The following TSHZ2 variants were observed in gnomAD, a reference collection of about 807,000 sequenced individuals.
TSHZ2 encodes teashirt zinc finger homeobox 2.
A neutral mutation model predicts 74.4 loss-of-function variants in TSHZ2; 21 were observed. The ratio of observed to expected loss-of-function variants is 0.28; its 90% CI spans 0.20 to 0.41. The LOEUF is 0.41. TSHZ2 is among the 10% of genes least tolerant of loss of function. TSHZ2 has a pLI of 1.00. For synonymous variants in TSHZ2, 540 were observed against 515.3 expected, an observed-to-expected ratio of 1.05 and a Z score of -0.65; for missense variants, 1,244 against 1,293.5, an observed-to-expected ratio of 0.96 and a Z score of 0.59.
chr20:53,401,528 C>G lies in TSHZ2; in HGVS notation c.*9-85616C>G, dbSNP rs1484769907. ...TGTACACTATACACAATGTGTGGTT[C>G]CTTACCCCTCACTCCTTCCAACCCC... is the stretch of plus-strand genomic sequence containing the variant. On this transcript the variant is annotated intron_variant, in intron 2 of 2. Coordinates refer to ENST00000371497, the MANE Select transcript of TSHZ2 (RefSeq NM_173485.6). Among the ~76,000 whole-genome samples the G allele has an allele frequency of 6.4e-5, 9 of 141,588 alleles. No homozygotes were observed. The Admixed American group carries it at 6.5e-4, about 10-fold the overall frequency. The allele number at this position is 141,588 out of a possible 152,430, so 92.9% of individuals were successfully genotyped here.
intron 2 of TSHZ2, among the ~76,000 whole-genome samples, chr20:53,295,244 G>A (rs935972126): frequency 2.6e-5 from 4 of 152,092 alleles, no homozygotes; most frequent in Non-Finnish European, 2.9e-5. Context: ...AAAAATTTGC[G>A]TTCTGTGGTC....
At chr20:52,995,754 A>G (rs1344492065) in intron 1 of TSHZ2, among the ~76,000 whole-genome samples, 9 of 151,350 alleles carry the variant, frequency 5.9e-5, no homozygotes, top group Non-Finnish European at 1.0e-4. Context: ...CTGGGACTAC[A>G]GGCATACGCC....
At chr20:52,977,931 C>G (rs1416504678) in intron 1 of TSHZ2, among the ~76,000 whole-genome samples, 1 of 152,108 alleles carries the variant, frequency 6.6e-6, no homozygotes, top group Non-Finnish European at 1.5e-5. Flanking sequence ...TCCTCAGAAA[C>G]AGTCTACATT....
intron 1 of TSHZ2, among the ~76,000 whole-genome samples, chr20:53,138,171 AG>A (rs1275260331): frequency 6.6e-6 from 1 of 152,152 alleles, no homozygotes; most frequent in Non-Finnish European, 1.5e-5. Context: ...TCATGAGGTC[AG>A]GAGATCGCGA....
intron 2 of TSHZ2, among the ~76,000 whole-genome samples, chr20:53,340,177 C>CTTTTTTATTT (rs74177489): frequency 1.1e-5 from 1 of 94,078 alleles, no homozygotes; most frequent in Non-Finnish European, 2.0e-5. Context: ...ACTTTTCTTT[C>CTTTTTTATTT]TTTTTTCTTT....
rs1168501596 is a variant in TSHZ2 at position 52,973,244 on chromosome 20, G to A, written c.-50G>A. ...GGCCAGAGAGACAGCGGGCCCCAGC[G>A]CGCGGCTCGGGGCTGGGGCGCCAGA... On this transcript the variant is annotated 5_prime_UTR_variant, in exon 1 of 3. Coordinates refer to ENST00000371497, the MANE Select transcript of TSHZ2 (RefSeq NM_173485.6). 1 of 1,550,704 alleles carries A rather than the reference G, an allele frequency of 6.4e-7. No individual in the cohort carries two copies. Among genetic ancestry groups the A allele is most frequent in the East Asian group, 2.4e-5 (1 of 40,936 alleles).
At chr20:53,144,909 CTT>C (rs764702960) in intron 1 of TSHZ2, among the ~76,000 whole-genome samples, 5 of 151,800 alleles carry the variant, frequency 3.3e-5, no homozygotes, top group Non-Finnish European at 5.9e-5. Flanking sequence ...TTTTTTAAAA[CTT>C]TCTCTTCAAA....
chr20:53,210,600 G>T lies in TSHZ2; in HGVS notation c.41-42899G>T, dbSNP rs142670231. 4.5e-4 allele frequency among the ~76,000 whole-genome samples: 68 copies of T among 151,944 alleles called. 1 individual carries two copies. In the East Asian group the frequency reaches 0.013, roughly 29 times the overall value. ...CCTTGTCTCCTCATCTGCTTTTGGAGCCTGGGGTTTGGGGTTTATACGACT... is the reference window on the plus strand; with the variant it reads ...CCTTGTCTCCTCATCTGCTTTTGGATCCTGGGGTTTGGGGTTTATACGACT... On this transcript the variant is annotated intron_variant, in intron 1 of 2. Transcript: ENST00000371497.
In TSHZ2 at chr20:53,469,621, G is replaced by A. The variant is rs866927733; in HGVS notation, c.*9-17523G>A. On this transcript the variant is annotated intron_variant, in intron 2 of 2. Coordinates refer to ENST00000371497, the MANE Select transcript of TSHZ2 (RefSeq NM_173485.6). ...GGACCCAAGAAAGATAGATAGAGAG[G>A]GAGGAAGGGAGGGAGGAAGGAAGGA... Among the ~76,000 whole-genome samples, 51 of 101,870 alleles carry A rather than the reference G, an allele frequency of 5.0e-4. 1 individual carries two copies. The highest frequency in any genetic ancestry group is 1.2e-3 in the South Asian group (3 of 2,524). 66.8% of individuals were successfully genotyped at this position (101,870 alleles called of 152,430 possible). A position where few individuals can be genotyped will look rare whatever the true frequency, so the allele number is the denominator to read the frequency against.
chr20:53,294,104 AG>A (rs1991332356), intron 2 of TSHZ2, among the ~76,000 whole-genome samples: 1 of 152,192 alleles, frequency 6.6e-6, no homozygotes, highest in Non-Finnish European at 1.5e-5. Flanking sequence ...CACAGTGGGA[AG>A]AGGCGCACAC....
At chr20:53,331,427 T>A (rs1979716569) in intron 2 of TSHZ2, among the ~76,000 whole-genome samples, 1 of 152,014 alleles carries the variant, frequency 6.6e-6, no homozygotes, top group African/African-American at 2.4e-5. Flanking sequence ...AGATTTAATG[T>A]GAGGGAGCAC....
In TSHZ2 at chr20:53,074,347, C is replaced by G. The variant is rs967834457; in HGVS notation, c.40+101014C>G. On this transcript the variant is annotated intron_variant, in intron 1 of 2. Transcript: ENST00000371497. The surrounding 1 kb of genome is among the most constrained non-coding windows in gnomAD (Gnocchi z 5.9). ...GTCCTTTCTACTGGATTTTGAGTTT[C>G]CAGAGGGCTAGGACCAGGATTCATG... Among the ~76,000 whole-genome samples, 8 of 152,194 alleles carry G rather than the reference C, an allele frequency of 5.3e-5. No homozygotes were observed. The highest frequency in any genetic ancestry group is 7.2e-5 in the African/African-American group (3 of 41,450).
chr20:53,161,606 A>C (rs920389182), intron 1 of TSHZ2, among the ~76,000 whole-genome samples: 8 of 152,174 alleles, frequency 5.3e-5, no homozygotes, highest in African/African-American at 1.9e-4. Context: ...GCAGCAGGAA[A>C]AGAGAGTACA....
chr20:53,003,886 TTTTC>T (rs1228322564), intron 1 of TSHZ2, among the ~76,000 whole-genome samples: 2 of 152,044 alleles, frequency 1.3e-5, no homozygotes, highest in African/African-American at 4.8e-5. Flanking sequence ...TCCTTCTTTT[TTTTC>T]TTTTTCTTTT....
chr20:53,284,020 A>G (rs1317943861), intron 2 of TSHZ2, among the ~76,000 whole-genome samples: 1 of 152,240 alleles, frequency 6.6e-6, no homozygotes, highest in African/African-American at 2.4e-5. Context: ...AAGGAAAGTA[A>G]AAACGGGTAC....
chr20:53,066,815 T>C (rs961254769), intron 1 of TSHZ2, among the ~76,000 whole-genome samples: 3 of 152,186 alleles, frequency 2.0e-5, no homozygotes, highest in Non-Finnish European at 4.4e-5. Flanking sequence ...TTTTTTTAAA[T>C]GCTAGGATGT....
intron 1 of TSHZ2, among the ~76,000 whole-genome samples, chr20:53,151,882 A>T (rs1373462935): frequency 6.6e-6 from 1 of 152,224 alleles, no homozygotes; most frequent in African/African-American, 2.4e-5. Context: ...ATATATCAAG[A>T]TACATACAAA....
intron 2 of TSHZ2, among the ~76,000 whole-genome samples, chr20:53,303,557 T>C (rs1368373916): frequency 6.6e-6 from 1 of 152,228 alleles, no homozygotes; most frequent in Non-Finnish European, 1.5e-5. Flanking sequence ...TGTGCAGATA[T>C]GCTCAAACTC....
chr20:53,025,786 A>G (rs1983416749), intron 1 of TSHZ2, among the ~76,000 whole-genome samples: 1 of 152,236 alleles, frequency 6.6e-6, no homozygotes, highest in Non-Finnish European at 1.5e-5. Context: ...ACAGGCCCCC[A>G]AAGGGAGACT....
Sources: allele counts gnomAD v4.1 joint callset (sites outside exome capture counted in the v4.1 genomes callset), GRCh38; gene constraint gnomAD v4.1.1; non-coding constraint Gnocchi (gnomAD v3.1); transcripts MANE v1.5; gene names NCBI Gene and HGNC (gene_info 2026-07-23, HGNC 2026-07-21).